C18orf63: variants seen among roughly 807,000 people sequenced by gnomAD.
C18orf63 encodes chromosome 18 open reading frame 63.
A neutral mutation model predicts 75.3 loss-of-function variants in C18orf63; 50 were observed. That is an observed-to-expected ratio of 0.66 (90% CI 0.53 to 0.84). The LOEUF (loss-of-function observed/expected upper bound fraction) is 0.84, where lower values mean the gene tolerates loss of function less well. C18orf63 is among the 40% of genes least tolerant of loss of function. The probability of loss-of-function intolerance (pLI) is 0.00; values close to 1 mark genes in which losing one functional copy is unlikely to be tolerated. For missense variants in C18orf63, 732 were observed against 800.2 expected (o/e 0.91, Z 1.03); for synonymous variants, 232 against 267.6 (o/e 0.87, Z 1.30).
chr18:74,347,688 T>C (rs1462935289), intron 11 of C18orf63, among the ~76,000 whole-genome samples: 2 of 152,224 alleles, frequency 1.3e-5, no homozygotes, highest in Non-Finnish European at 2.9e-5. Context: ...CTAAGATTCA[T>C]GCAGTGTAAA....
intron 4 of C18orf63, among the ~76,000 whole-genome samples, chr18:74,326,338 G>A (rs1984207152): frequency 1.3e-5 from 2 of 152,150 alleles, no homozygotes; most frequent in African/African-American, 4.8e-5. Context: ...TTTTCACAGA[G>A]GCAAAGCCAG....
chr18:74,322,623 T>TA (rs1599000453), intron 3 of C18orf63, 75 bp from the exon 4 acceptor site: 1 of 467,624 alleles, frequency 2.1e-6, no homozygotes, highest in Non-Finnish European at 3.5e-6. Flanking sequence ...GAATAATGCT[T>TA]AAAATCTTTA....
At chr18:74,324,992 C>A (rs766110345) in intron 4 of C18orf63, among the ~76,000 whole-genome samples, 8 of 152,132 alleles carry the variant, frequency 5.3e-5, no homozygotes, top group Non-Finnish European at 1.0e-4. Flanking sequence ...TTCACATAAT[C>A]ATAATCAGCA....
At chr18:74,316,791 T>C (rs1984033948) in intron 1 of C18orf63, among the ~76,000 whole-genome samples, 1 of 152,194 alleles carries the variant, frequency 6.6e-6, no homozygotes, top group Non-Finnish European at 1.5e-5. Context: ...AAAACAACAT[T>C]CTTTTTGAAT....
chr18:74,320,425 C>T, intron 2 of C18orf63, 88 bp from the exon 3 acceptor site: 1 of 882,988 alleles, frequency 1.1e-6, no homozygotes. Context: ...CTTGCCAACA[C>T]TGGGGATTAT....
At chr18:74,330,455 A>C (rs562824200) in intron 6 of C18orf63, among the ~76,000 whole-genome samples, 3 of 152,268 alleles carry the variant, frequency 2.0e-5, no homozygotes, top group South Asian at 4.1e-4. Context: ...ATATTTGAGG[A>C]TATTTGTTAG....
At chr18:74,334,000 T>G (rs1358295815) in intron 7 of C18orf63, among the ~76,000 whole-genome samples, 1 of 152,192 alleles carries the variant, frequency 6.6e-6, no homozygotes, top group East Asian at 1.9e-4. Flanking sequence ...GCTACAAAAA[T>G]TAGTTTCATA....
At position 74,325,990 on chromosome 18, in the gene C18orf63, G is replaced by T. The variant is rs545628882; in HGVS notation, c.271-1957G>T. Among the ~76,000 whole-genome samples the T allele has an allele frequency of 9.2e-5, 14 of 152,274 alleles. No individual in the cohort carries two copies. The East Asian group carries it at 1.7e-3, about 19-fold the overall frequency. ...GTGCTGATAGATTTTGCTGTATCTG[G>T]ATTAATTCCTTGGGCCATAGAGAAA... On this transcript the variant is annotated intron_variant, in intron 4 of 13. Transcript: ENST00000579455.
At chr18:74,321,029 A>T (rs1984111836) in intron 3 of C18orf63, among the ~76,000 whole-genome samples, 1 of 152,204 alleles carries the variant, frequency 6.6e-6, no homozygotes. Flanking sequence ...AAAATTTTAA[A>T]ATTAGTATTA....
intron 11 of C18orf63, among the ~76,000 whole-genome samples, chr18:74,344,099 C>A (rs1053804061): frequency 6.6e-6 from 1 of 152,056 alleles, no homozygotes; most frequent in Non-Finnish European, 1.5e-5. Flanking sequence ...TCTATGGAAC[C>A]ACTTAGAGAC....
intron 4 of C18orf63, 52 bp from the exon 5 acceptor site, chr18:74,327,895 T>C: frequency 9.3e-7 from 1 of 1,072,370 alleles, no homozygotes; most frequent in Non-Finnish European, 1.4e-6. Context: ...AGTATATGCA[T>C]ACACAGCAAT....
intron 2 of C18orf63, among the ~76,000 whole-genome samples, chr18:74,319,610 C>T (rs1210003045): frequency 2.0e-5 from 3 of 152,124 alleles, no homozygotes; most frequent in Non-Finnish European, 4.4e-5. Flanking sequence ...CTACCCAGTT[C>T]TTTCTGGCTT....
chr18:74,352,797 TG>T (rs1349902118), intron 11 of C18orf63, among the ~76,000 whole-genome samples: 1 of 152,198 alleles, frequency 6.6e-6, no homozygotes. Flanking sequence ...AATATTTTTT[TG>T]TGACAAATAT....
At chr18:74,326,383 A>G (rs1222254764) in intron 4 of C18orf63, among the ~76,000 whole-genome samples, 1 of 152,212 alleles carries the variant, frequency 6.6e-6, no homozygotes, top group African/African-American at 2.4e-5. Flanking sequence ...AAGGATGTTT[A>G]TATGCCAAAC....
chr18:74,351,844 G>T (rs1371266580), intron 11 of C18orf63, among the ~76,000 whole-genome samples: 1 of 152,114 alleles, frequency 6.6e-6, no homozygotes, highest in Non-Finnish European at 1.5e-5. Flanking sequence ...ATTCAAGTTT[G>T]CATATTATTC....
chr18:74,328,871 A>G lies in C18orf63; in HGVS notation c.383-124A>G, dbSNP rs533194300. The stretch of plus-strand genomic sequence containing the variant: ...CAGCTGTCATCAGGTATTACTTTAT[A>G]TAACAACTGCATTTTAAAGTATTTT... On this transcript the variant is annotated intron_variant, in intron 5 of 13. Coordinates refer to ENST00000579455, the MANE Select transcript of C18orf63 (RefSeq NM_001174123.2). The G allele has an allele frequency of 1.9e-5, 11 of 564,992 alleles. No individual in the cohort carries two copies. In the South Asian group the frequency reaches 2.5e-4, roughly 13 times the overall value. 35.0% of individuals were successfully genotyped at this position (564,992 alleles called of 1,614,324 possible).
chr18:74,329,214 C>A (rs1223056425), intron 6 of C18orf63, among the ~76,000 whole-genome samples, 178 bp downstream of exon 6: 1 of 151,932 alleles, frequency 6.6e-6, no homozygotes, highest in South Asian at 2.1e-4. Flanking sequence ...CATGGTAAGA[C>A]CCCATCTCTA....
chr18:74,335,225 A>C (rs1984372055), intron 7 of C18orf63, among the ~76,000 whole-genome samples: 2 of 152,122 alleles, frequency 1.3e-5, no homozygotes, highest in African/African-American at 4.8e-5. Context: ...GTGAAAGACT[A>C]ATTTATTTTT....
chr18:74,342,208 C>T (rs1321775524), intron 9 of C18orf63, 33 bp from the exon 10 acceptor site: 2 of 1,462,314 alleles, frequency 1.4e-6, no homozygotes, highest in African/African-American at 2.8e-5. Flanking sequence ...TAGCTTTCTC[C>T]AAGATATTTA....
Sources: gnomAD v4.1 joint callset for allele counts (sites outside exome capture counted in the v4.1 genomes callset) on GRCh38, gnomAD v4.1.1 for gene constraint, MANE v1.5 for transcripts, NCBI Gene and HGNC (gene_info 2026-07-23, HGNC 2026-07-21) for gene names.